N4BP2L2: variants seen among roughly 807,000 people sequenced by gnomAD.
The protein encoded by N4BP2L2 is NEDD4-binding protein 2-like 2.
N4BP2L2 carries 50 observed loss-of-function variants against 56.2 expected under a neutral mutation model. The observed-to-expected ratio is 0.89, with a 90% CI of 0.71 to 1.13. The LOEUF is 1.13. Ranked by LOEUF, N4BP2L2 falls within the 50% of genes most tolerant of loss-of-function variation. N4BP2L2 has a pLI of 0.00. For missense variants in N4BP2L2, 689 were observed against 693.8 expected, an observed-to-expected ratio of 0.99 and a Z score of 0.08; for synonymous variants, 203 against 223.6, an observed-to-expected ratio of 0.91 and a Z score of 0.82.
intron 9 of N4BP2L2, among the ~76,000 whole-genome samples, chr13:32,433,343 T>C (rs753734606): frequency 1.8e-4 from 27 of 152,232 alleles, no homozygotes; most frequent in South Asian, 1.7e-3. Flanking sequence ...TCAAAGGCAA[T>C]GTTTTGGCTG....
At chr13:32,482,304 C>T (rs996632534) in intron 6 of N4BP2L2, among the ~76,000 whole-genome samples, 16 of 152,126 alleles carry the variant, frequency 1.1e-4, no homozygotes, top group Non-Finnish European at 2.4e-4. Flanking sequence ...TGACTGTATA[C>T]AATGAATTGT....
intron 4 of N4BP2L2, chr13:32,521,792 A>T: frequency 7.6e-6 from 2 of 263,212 alleles, no homozygotes; most frequent in Non-Finnish European, 1.4e-5. Context: ...CCTGGCCAAC[A>T]TGGTGAAACC....
exon 6 of N4BP2L2, chr13:32,516,146 CT>C (rs1217538552): frequency 3.9e-5 from 6 of 152,254 alleles, no homozygotes; most frequent in African/African-American, 2.4e-5. Context: ...AAATGAAATC[CT>C]TTTGTACAAT....
At chr13:32,470,104 G>A (rs2082026714) in intron 6 of N4BP2L2, among the ~76,000 whole-genome samples, 1 of 152,160 alleles carries the variant, frequency 6.6e-6, no homozygotes, top group African/African-American at 2.4e-5. Flanking sequence ...CTCTGCTTAT[G>A]CATTGTGTAT....
At chr13:32,481,269 A>G (rs944871907) in intron 6 of N4BP2L2, among the ~76,000 whole-genome samples, 4 of 152,058 alleles carry the variant, frequency 2.6e-5, no homozygotes, top group Non-Finnish European at 5.9e-5. Flanking sequence ...GTGAAAGTGG[A>G]GGGAAGTGTT....
At chr13:32,463,052 TAAATA>T (rs1228623158) in intron 6 of N4BP2L2, among the ~76,000 whole-genome samples, 1 of 149,870 alleles carries the variant, frequency 6.7e-6, no homozygotes. Context: ...CAAAAATAAA[TAAATA>T]AAATATACAA....
intron 6 of N4BP2L2, among the ~76,000 whole-genome samples, chr13:32,481,118 C>CAAAAAAAAAAAAAAAAAA (rs60854435): frequency 6.8e-4 from 14 of 20,714 alleles, no homozygotes; most frequent in African/African-American, 2.4e-3. Context: ...GACTCTGTCT[C>CAAAAAAAAAAAAAAAAAA]AAAAAAAAAA....
At chr13:32,498,868 C>T (rs1034838180) in intron 6 of N4BP2L2, among the ~76,000 whole-genome samples, 1 of 150,292 alleles carries the variant, frequency 6.7e-6, no homozygotes, top group African/African-American at 2.4e-5. Flanking sequence ...GGGTGGCACA[C>T]ACCTGCAGTC....
chr13:32,516,960 A>G (rs1158041656), exon 6 of N4BP2L2: 15 of 976,950 alleles, frequency 1.5e-5, no homozygotes, highest in Non-Finnish European at 7.3e-6. Flanking sequence ...TGAGAGAAAT[A>G]TAATTTGCTC....
downstream of N4BP2L2, chr13:32,510,264 A>T (rs1018152688): frequency 6.6e-5 from 10 of 152,264 alleles, no homozygotes; most frequent in African/African-American, 2.4e-4. Context: ...CTGAAAATTA[A>T]TTAGGGTTAA....
At chr13:32,497,684 A>AT (rs1453764254) in intron 6 of N4BP2L2, among the ~76,000 whole-genome samples, 1 of 152,250 alleles carries the variant, frequency 6.6e-6, no homozygotes, top group Non-Finnish European at 1.5e-5. Context: ...AGAACAGCAG[A>AT]TATGCCTCTC....
intron 8 of N4BP2L2, chr13:32,438,504 CAGG>C: frequency 3.5e-6 from 2 of 567,460 alleles, no homozygotes; most frequent in Non-Finnish European, 6.2e-6. Context: ...GAGGCTGAGG[CAGG>C]AGAATTACTT....
intron 6 of N4BP2L2, among the ~76,000 whole-genome samples, chr13:32,448,339 G>A (rs561313284): frequency 2.0e-5 from 3 of 152,176 alleles, no homozygotes; most frequent in South Asian, 2.1e-4. Flanking sequence ...TGATCTCACT[G>A]GTGCTGATTC....
At chr13:32,469,363 C>T (rs905609997) in intron 6 of N4BP2L2, among the ~76,000 whole-genome samples, 4 of 152,116 alleles carry the variant, frequency 2.6e-5, no homozygotes, top group Non-Finnish European at 5.9e-5. Context: ...ACTGAAGCAC[C>T]TAGAAGTGCA....
chr13:32,443,702 T>A, exon 7 of N4BP2L2: 1 of 1,600,312 alleles, frequency 6.2e-7, no homozygotes, highest in Non-Finnish European at 8.5e-7. Context: ...AGGTTTTGAG[T>A]CAGTATTGGA....
chr13:32,538,172 T>C (rs957451450), intron 1 of N4BP2L2, among the ~76,000 whole-genome samples: 2 of 152,040 alleles, frequency 1.3e-5, no homozygotes, highest in African/African-American at 4.8e-5. Context: ...CTCTCTGGTG[T>C]TCCTAACACG....
At chr13:32,434,580 G>A (rs947898934) in intron 9 of N4BP2L2, among the ~76,000 whole-genome samples, 2 of 152,060 alleles carry the variant, frequency 1.3e-5, no homozygotes, top group Admixed American at 6.6e-5. Context: ...CCCCACTGCC[G>A]TAAAGGAGTG....
intron 6 of N4BP2L2, among the ~76,000 whole-genome samples, chr13:32,450,388 G>A (rs9534492): frequency 0.2 from 30,005 of 150,614 alleles, 3,293 homozygotes; most frequent in South Asian, 0.39. Context: ...GCAGTGGCGC[G>A]ATCTTGGCTC....
intron 3 of N4BP2L2, 163 bp downstream of exon 3, chr13:32,527,245 T>C (rs2053283226): frequency 4.3e-6 from 3 of 691,410 alleles, no homozygotes; most frequent in Non-Finnish European, 7.0e-6. Context: ...AGGGCAAGTA[T>C]AATTATCACC....
Sources: allele counts gnomAD v4.1 joint callset (sites outside exome capture counted in the v4.1 genomes callset), GRCh38; gene constraint gnomAD v4.1.1; transcripts MANE v1.5; gene names NCBI Gene and HGNC (gene_info 2026-07-23, HGNC 2026-07-21).